Variants in ADI1 observed in about 807,000 individuals in gnomAD.
The protein encoded by ADI1 is acireductone dioxygenase 1.
In ADI1, 21 loss-of-function variants were observed where a neutral mutation model predicts 18.7. The ratio of observed to expected loss-of-function variants is 1.13; its 90% confidence interval spans 0.80 to 1.62. The LOEUF (loss-of-function observed/expected upper bound fraction) is 1.62, where lower values mean the gene tolerates loss of function less well. ADI1 is among the 40% of genes most tolerant of loss of function. ADI1 has a pLI of 0.00. For missense variants in ADI1, 245 were observed against 254.9 expected (o/e 0.96, Z 0.26); for synonymous variants, 90 against 100.1 (o/e 0.90, Z 0.60).
At chr2:3,503,309 ACACGCACATT>A (rs1322071907) in intron 2 of ADI1, among the ~76,000 whole-genome samples, 1 of 85,406 alleles carries the variant, frequency 1.2e-5, no homozygotes, top group Non-Finnish European at 2.0e-5. Flanking sequence ...ATACACACTG[ACACGCACATT>A]CACACACATG....
intron 2 of ADI1, among the ~76,000 whole-genome samples, chr2:3,503,175 ACACT>A (rs763726098): frequency 2.2e-4 from 33 of 151,832 alleles, no homozygotes; most frequent in African/African-American, 5.8e-4. Context: ...GCGTACATTC[ACACT>A]CACATGCACA....
intron 2 of ADI1, among the ~76,000 whole-genome samples, chr2:3,511,697 C>T (rs1175061982): frequency 6.6e-6 from 1 of 152,110 alleles, no homozygotes; most frequent in African/African-American, 2.4e-5. Flanking sequence ...TTGAGTAACA[C>T]GCAGAGACTA....
chr2:3,505,611 CT>C (rs1415649861), intron 2 of ADI1, among the ~76,000 whole-genome samples: 1 of 152,214 alleles, frequency 6.6e-6, no homozygotes, highest in Non-Finnish European at 1.5e-5. Context: ...CTCAGGAGAG[CT>C]CAGCCAGCCA....
At chr2:3,501,433 A>G (rs1301899343) in intron 2 of ADI1, among the ~76,000 whole-genome samples, 1 of 152,242 alleles carries the variant, frequency 6.6e-6, no homozygotes, top group East Asian at 1.9e-4. Flanking sequence ...TGCACACAGC[A>G]GTCATGAAAT....
chr2:3,501,886 A>G (rs1667021254), intron 2 of ADI1, among the ~76,000 whole-genome samples: 1 of 152,136 alleles, frequency 6.6e-6, no homozygotes, highest in Admixed American at 6.5e-5. Context: ...AAAAATATTC[A>G]AGTATGCAAA....
At chr2:3,508,615 A>T (rs1415514742) in intron 2 of ADI1, among the ~76,000 whole-genome samples, 1 of 152,102 alleles carries the variant, frequency 6.6e-6, no homozygotes, top group East Asian at 1.9e-4. Context: ...AATCAAAAAA[A>T]TGCTGGCCAG....
chr2:3,517,113 G>C (rs1201364518), intron 1 of ADI1: 1 of 165,534 alleles, frequency 6.0e-6, no homozygotes, highest in African/African-American at 2.4e-5. Flanking sequence ...TATGCCACTT[G>C]ATCAAACTAA....
intron 3 of ADI1, chr2:3,500,464 C>T (rs1467632753): frequency 6.8e-6 from 3 of 440,530 alleles, no homozygotes; most frequent in Non-Finnish European, 1.2e-5. Flanking sequence ...GGGGTGACAA[C>T]CCTAGAGATG....
At chr2:3,515,128 C>A (rs1226823652) in intron 1 of ADI1, 2 of 242,596 alleles carry the variant, frequency 8.2e-6, no homozygotes, top group Non-Finnish European at 1.6e-5. Context: ...CAAGGGAAGA[C>A]AACCATAAGG....
chr2:3,503,138 C>G (rs368965975), intron 2 of ADI1, among the ~76,000 whole-genome samples: 1 of 152,084 alleles, frequency 6.6e-6, no homozygotes, highest in Admixed American at 6.5e-5. Context: ...AACCTACACA[C>G]GCACACACAC....
In ADI1 at chr2:3,505,471, C is replaced by G. The variant is rs1667156811; in HGVS notation, c.241-4478G>C. Among the ~76,000 whole-genome samples, 3 of 152,184 alleles carry G rather than the reference C, an allele frequency of 2.0e-5. No homozygotes were observed. The South Asian group carries it at 6.2e-4, about 32-fold the overall frequency. On this transcript the variant is annotated intron_variant, in intron 2 of 3. Coordinates refer to ENST00000327435, the MANE Select transcript of ADI1 (RefSeq NM_018269.4). ...CTCACACTTTTGTAAATTTTACCTG[C>G]AAAAGCTCTACTGGGTCCCAACAGT...
chr2:3,516,043 T>G, intron 1 of ADI1: 1 of 982,798 alleles, frequency 1.0e-6, no homozygotes, highest in Non-Finnish European at 1.2e-6. Flanking sequence ...TAATATGTAA[T>G]ATGACACATT....
intron 2 of ADI1, among the ~76,000 whole-genome samples, chr2:3,507,979 A>T (rs1667211374): frequency 1.3e-5 from 2 of 152,154 alleles, no homozygotes; most frequent in Non-Finnish European, 2.9e-5. Context: ...GAGGAGAGAA[A>T]GCAGAATCAT....
At chr2:3,504,467 G>A (rs977705906) in intron 2 of ADI1, among the ~76,000 whole-genome samples, 1 of 152,160 alleles carries the variant, frequency 6.6e-6, no homozygotes, top group African/African-American at 2.4e-5. Flanking sequence ...CAACTTCCAC[G>A]TCAGAGTCAC....
At chr2:3,500,500 C>CGACAACCCT in intron 3 of ADI1, 1 of 282,440 alleles carries the variant, frequency 3.5e-6, no homozygotes, top group South Asian at 3.6e-5. Flanking sequence ...AGGGCTGGGG[C>CGACAACCCT]AGGGCCAGGC....
intron 2 of ADI1, among the ~76,000 whole-genome samples, chr2:3,503,165 G>T (rs1288897676): frequency 6.6e-6 from 1 of 151,208 alleles, no homozygotes; most frequent in Admixed American, 6.6e-5. Context: ...GCTCTCACAT[G>T]CGTACATTCA....
chr2:3,514,257 C>T (rs184131436), intron 1 of ADI1, among the ~76,000 whole-genome samples: 1 of 152,314 alleles, frequency 6.6e-6, no homozygotes, highest in East Asian at 1.9e-4. Context: ...ATGGTAGTCT[C>T]ACCACCTCAG....
In ADI1 at chr2:3,519,420, C is replaced by T; in HGVS notation, c.68G>A (p.Gly23Asp). ...CAGCTGCTCCAGGCCCACTGGGCGG[C>T]CGGGGTCGGGGCGGTGGGGTTGCCG... ...DPRQPHRPDP[G>D]RPVGLEQLRR... Residue 23 changes from glycine to aspartate, a missense_variant, in exon 1 of 4, where the codon GGC becomes GAC. By Grantham distance (94) the Gly-to-Asp change is moderately conservative. Coordinates refer to ENST00000327435, the MANE Select transcript of ADI1 (RefSeq NM_018269.4). The T allele has an allele frequency of 1.4e-6, 2 of 1,383,472 alleles. No homozygotes were observed. The highest frequency in any genetic ancestry group is 1.9e-6 in the Non-Finnish European group (2 of 1,075,830). The allele number at this position is 1,383,472 out of a possible 1,614,324, so 85.7% of individuals were successfully genotyped here.
chr2:3,517,905 ATTAAAATAAATCTTATTTTATTCT>A, intron 1 of ADI1, among the ~76,000 whole-genome samples: 3 of 152,358 alleles, frequency 2.0e-5, no homozygotes, highest in Admixed American at 2.0e-4. Context: ...AAAGATGTCT[ATTAAAATAAATCTTATTTTATTCT>A]TTGAATACAT....
Sources: gnomAD v4.1 joint callset for allele counts (sites outside exome capture counted in the v4.1 genomes callset) on GRCh38, gnomAD v4.1.1 for gene constraint, MANE v1.5 for transcripts, NCBI Gene and HGNC (gene_info 2026-07-23, HGNC 2026-07-21) for gene names.